Variants in DIP2C observed in about 807,000 individuals in gnomAD.
DIP2C encodes the protein DIP2 acetate--CoA ligase C (putative), also known as disco-interacting protein 2 homolog C.
Under a neutral mutation model 192.4 loss-of-function variants are expected in DIP2C, and 33 were observed. That is an observed-to-expected ratio of 0.17 (90% confidence interval 0.13 to 0.23). The LOEUF (loss-of-function observed/expected upper bound fraction) is 0.23, where lower values mean the gene tolerates loss of function less well. DIP2C is among the 10% of genes least tolerant of loss of function. The pLI is 1.00. For missense variants in DIP2C, 1,537 were observed against 2,110.1 expected, an observed-to-expected ratio of 0.73 and a Z score of 5.32; for synonymous variants, 979 against 864.1, an observed-to-expected ratio of 1.13 and a Z score of -2.33.
intron 1 of DIP2C, among the ~76,000 whole-genome samples, chr10:670,208 GCA>G (rs1216511658): frequency 1.3e-5 from 2 of 152,086 alleles, no homozygotes; most frequent in African/African-American, 4.8e-5. Flanking sequence ...GCACATGTAT[GCA>G]CACATACGCA....
At position 344,906 on chromosome 10, in the gene DIP2C, T is replaced by C; in HGVS notation, c.3356A>G (p.Lys1119Arg). ...TTTGCAGATCTGGGCAGGCCGCTTC[T>C]TTGGCAAATCATCTGGAGAGGAACA... is the stretch of plus-strand genomic sequence containing the variant. ...PLILDTDDLP[K>R]KRPAQICKPC... The change falls in exon 28 of 37, where the codon AAG (lysine) becomes AGG (arginine). Residue 1119 changes from lysine to arginine, a missense_variant. Physicochemically the swap from Lys to Arg is conservative, Grantham distance 26 (BLOSUM62 2). Coordinates refer to ENST00000280886, the MANE Select transcript of DIP2C (RefSeq NM_014974.3). The C allele has an allele frequency of 6.2e-7, 1 of 1,607,174 alleles. No homozygotes were observed. Among genetic ancestry groups the C allele is most frequent in the Non-Finnish European group, 8.5e-7 (1 of 1,177,696 alleles).
chr10:658,080 A>ACCTGACG (rs1856505214), intron 1 of DIP2C, among the ~76,000 whole-genome samples: 1 of 101,712 alleles, frequency 9.8e-6, no homozygotes, highest in South Asian at 3.4e-4. Flanking sequence ...TGGACCTGAC[A>ACCTGACG]CTGGACCTGA....
At chr10:304,110 A>G (rs1375082235) in intron 32 of DIP2C, among the ~76,000 whole-genome samples, 1 of 152,234 alleles carries the variant, frequency 6.6e-6, no homozygotes, top group East Asian at 1.9e-4. Flanking sequence ...CATTAAAGGT[A>G]AGTACATAAA....
At chr10:687,226 C>A (rs1218948167) in intron 1 of DIP2C, among the ~76,000 whole-genome samples, 2 of 152,192 alleles carry the variant, frequency 1.3e-5, no homozygotes, top group Non-Finnish European at 2.9e-5. Context: ...TCTTGGATTT[C>A]TATTAAGCAA....
At chr10:358,740 CGGGGGAT>C (rs1247640261) in intron 22 of DIP2C, among the ~76,000 whole-genome samples, 2 of 2,134 alleles carry the variant, frequency 9.4e-4, no homozygotes, top group East Asian at 8.2e-3. Context: ...AGGTGGGGGA[CGGGGGAT>C]GGGGGATGGG....
In DIP2C at chr10:502,807, GAAGA is replaced by G. The variant is rs1011054850; in HGVS notation, c.86-16281_86-16278del. Among the ~76,000 whole-genome samples the G allele has an allele frequency of 1.5e-4, 23 of 152,208 alleles. No homozygotes were observed. In the South Asian group the frequency reaches 2.7e-3, roughly 18 times the overall value. On this transcript the variant is annotated intron_variant, in intron 1 of 36. Transcript: ENST00000280886. ...TGTATGAAGAAAACCACAAAACACT[GAAGA>G]AAGAAAGGAAAGAGCTACCTCAACT...
intron 24 of DIP2C, among the ~76,000 whole-genome samples, chr10:351,497 G>A (rs1055677058): frequency 2.0e-5 from 3 of 152,212 alleles, no homozygotes; most frequent in African/African-American, 4.8e-5. Flanking sequence ...CCTTCCTGCC[G>A]CCTGTGGCTG....
At chr10:640,708 G>A (rs1383304254) in intron 1 of DIP2C, among the ~76,000 whole-genome samples, 4 of 128,142 alleles carry the variant, frequency 3.1e-5, no homozygotes, top group African/African-American at 1.5e-4. Context: ...TGCGCGCGGG[G>A]AAGAGGCTGC....
intron 4 of DIP2C, among the ~76,000 whole-genome samples, chr10:434,136 A>G (rs1001481773): frequency 6.6e-6 from 1 of 152,234 alleles, no homozygotes; most frequent in African/African-American, 2.4e-5. Flanking sequence ...CACTGCTGTC[A>G]TTCATTTCAC....
intron 1 of DIP2C, among the ~76,000 whole-genome samples, chr10:507,304 C>T (rs907060857): frequency 1.3e-5 from 2 of 150,722 alleles, no homozygotes; most frequent in African/African-American, 4.9e-5. Context: ...GACCTAGTCA[C>T]CAGCTGCACA....
chr10:598,277 C>T (rs1383718002), intron 1 of DIP2C, among the ~76,000 whole-genome samples: 3 of 152,236 alleles, frequency 2.0e-5, no homozygotes, highest in Admixed American at 1.3e-4. Context: ...AAGCCGGCAC[C>T]GGCCACCAAG....
chr10:309,989 CA>C (rs756427621), intron 32 of DIP2C, 41 bp downstream of exon 32: 3 of 1,603,114 alleles, frequency 1.9e-6, no homozygotes, highest in African/African-American at 2.7e-5. Context: ...CAGAACAAAA[CA>C]AAAAAAGGAA....
At chr10:645,820 T>C (rs1428778002) in intron 1 of DIP2C, among the ~76,000 whole-genome samples, 2 of 152,178 alleles carry the variant, frequency 1.3e-5, no homozygotes, top group Admixed American at 6.5e-5. Context: ...ACTTCTGTAA[T>C]GTAATAATAG....
At chr10:287,776 C>T (rs1187558172) in intron 33 of DIP2C, among the ~76,000 whole-genome samples, 1 of 151,928 alleles carries the variant, frequency 6.6e-6, no homozygotes, top group African/African-American at 2.4e-5. Context: ...AAAAACACAC[C>T]CACTGTGGCA....
chr10:457,363 G>C (rs545781775), intron 3 of DIP2C, among the ~76,000 whole-genome samples: 21 of 152,132 alleles, frequency 1.4e-4, no homozygotes, highest in Non-Finnish European at 2.9e-4. Flanking sequence ...ATAAATTCAA[G>C]TACCATTTCC....
chr10:552,180 C>A (rs939610478), intron 1 of DIP2C, among the ~76,000 whole-genome samples: 1 of 152,230 alleles, frequency 6.6e-6, no homozygotes, highest in Non-Finnish European at 1.5e-5. Context: ...GGCAACTAAT[C>A]TGAGATTTAC....
At chr10:562,459 CATG>C (rs1345303405) in intron 1 of DIP2C, among the ~76,000 whole-genome samples, 2 of 152,228 alleles carry the variant, frequency 1.3e-5, no homozygotes, top group Admixed American at 6.5e-5. Context: ...TCATTTGAAT[CATG>C]AAGTGAGACT....
At position 572,376 on chromosome 10, in the gene DIP2C, G is replaced by A. The variant is rs369292601; in HGVS notation, c.86-85846C>T. 2.8e-4 allele frequency among the ~76,000 whole-genome samples: 42 copies of A among 152,250 alleles called. No homozygotes were observed. The East Asian group carries it at 3.1e-3, about 11-fold the overall frequency. On this transcript the variant is annotated intron_variant, in intron 1 of 36. Coordinates refer to ENST00000280886, the MANE Select transcript of DIP2C (RefSeq NM_014974.3). The stretch of plus-strand genomic sequence containing the variant: ...CTGAGCGCCACAAAAATTCAACTCC[G>A]TCCAGGCAGAGGGTTGCATCTTTCC...
chr10:289,194 G>A lies in DIP2C; in HGVS notation c.3987-773C>T, dbSNP rs1400604647. ...AAGATGGTGAATCACAGGACGACAT[G>A]CCTCCCACCTGGGGACAGGGTGCGG... On this transcript the variant is annotated intron_variant, in intron 32 of 36. Coordinates refer to ENST00000280886, the MANE Select transcript of DIP2C (RefSeq NM_014974.3). 2.1e-4 allele frequency among the ~76,000 whole-genome samples: 32 copies of A among 152,004 alleles called. 1 individual carries two copies. Among genetic ancestry groups the A allele is most frequent in the Admixed American group, 2.0e-3 (31 of 15,274 alleles).
Sources: gnomAD v4.1 joint callset for allele counts (sites outside exome capture counted in the v4.1 genomes callset) on GRCh38, gnomAD v4.1.1 for gene constraint, MANE v1.5 for transcripts, NCBI Gene and HGNC (gene_info 2026-07-23, HGNC 2026-07-21) for gene names.